Variants in WDR72 observed in about 807,000 individuals in gnomAD.
The protein encoded by WDR72 is WD repeat-containing protein 72.
WDR72 carries 120 observed loss-of-function variants against 124.2 expected under a neutral mutation model. The observed-to-expected ratio is 0.97, with a 90% CI of 0.83 to 1.12. The LOEUF (loss-of-function observed/expected upper bound fraction) is 1.12. WDR72 is among the 50% of genes most tolerant of loss of function. The probability of loss-of-function intolerance (pLI) is 0.00; values close to 1 mark genes in which losing one functional copy is unlikely to be tolerated. For synonymous variants in WDR72, 452 were observed against 441.7 expected (o/e 1.02, Z -0.29); for missense variants, 1,387 against 1,278.8 (o/e 1.08, Z -1.29).
intron 1 of WDR72, among the ~76,000 whole-genome samples, chr15:53,755,527 T>C (rs578259777): frequency 6.6e-6 from 1 of 152,370 alleles, no homozygotes; most frequent in South Asian, 2.1e-4. Context: ...AAGAAAACTA[T>C]GCAATGCATC....
intron 13 of WDR72, among the ~76,000 whole-genome samples, chr15:53,676,845 C>A (rs2016190366): frequency 6.6e-6 from 1 of 151,640 alleles, no homozygotes; most frequent in African/African-American, 2.4e-5. Context: ...GGACTTGTGG[C>A]AGTACTTTTA....
chr15:53,596,502 GC>G (rs1331393719), intron 18 of WDR72, among the ~76,000 whole-genome samples: 1 of 151,994 alleles, frequency 6.6e-6, no homozygotes, highest in Non-Finnish European at 1.5e-5. Flanking sequence ...TACTTCTGTT[GC>G]CCAGAAAAGG....
chr15:53,730,127 C>A (rs2018158900), intron 2 of WDR72, among the ~76,000 whole-genome samples: 1 of 151,970 alleles, frequency 6.6e-6, no homozygotes, highest in African/African-American at 2.4e-5. Flanking sequence ...ATGTATGTAT[C>A]CATAGATGAA....
intron 14 of WDR72, among the ~76,000 whole-genome samples, chr15:53,653,319 T>C (rs12903246): frequency 1.3e-5 from 2 of 152,118 alleles, no homozygotes; most frequent in Non-Finnish European, 2.9e-5. Context: ...ACTGTAACTG[T>C]CCCCTTTGAA....
chr15:53,638,718 G>A (rs2014721067), intron 14 of WDR72, among the ~76,000 whole-genome samples: 1 of 151,268 alleles, frequency 6.6e-6, no homozygotes, highest in South Asian at 2.1e-4. Flanking sequence ...ATTAAGCCAT[G>A]GTTAGCTGGG....
At chr15:53,612,778 G>C (rs1037000593) in intron 16 of WDR72, among the ~76,000 whole-genome samples, 3 of 152,042 alleles carry the variant, frequency 2.0e-5, no homozygotes, top group African/African-American at 7.2e-5. Flanking sequence ...ACTTAGTTCT[G>C]AATAAATCAT....
intron 14 of WDR72, among the ~76,000 whole-genome samples, chr15:53,637,253 G>T (rs2014659076): frequency 6.6e-6 from 1 of 152,126 alleles, no homozygotes; most frequent in South Asian, 2.1e-4. Context: ...AAATAAAAAT[G>T]TATTAACATT....
intron 2 of WDR72, among the ~76,000 whole-genome samples, chr15:53,731,406 A>T (rs2018199621): frequency 6.6e-6 from 1 of 151,882 alleles, no homozygotes; most frequent in Non-Finnish European, 1.5e-5. Flanking sequence ...ATTTCTCTGT[A>T]TCAGCACTCT....
intron 13 of WDR72, among the ~76,000 whole-genome samples, chr15:53,667,452 C>T (rs893417410): frequency 6.6e-6 from 1 of 151,998 alleles, no homozygotes; most frequent in Non-Finnish European, 1.5e-5. Flanking sequence ...ATTGATATAT[C>T]TTCTGAAGGA....
At chr15:53,722,201 A>T (rs2140576599) in intron 3 of WDR72, among the ~76,000 whole-genome samples, 1 of 151,422 alleles carries the variant, frequency 6.6e-6, no homozygotes, top group African/African-American at 2.4e-5. Flanking sequence ...GCCCAGGCCA[A>T]TTTTTCTATT....
chr15:53,666,598 G>A (rs998847983), intron 13 of WDR72, among the ~76,000 whole-genome samples: 8 of 151,966 alleles, frequency 5.3e-5, no homozygotes, highest in Non-Finnish European at 2.9e-5. Flanking sequence ...ATCTCCTACT[G>A]AATAAAGACA....
intron 18 of WDR72, among the ~76,000 whole-genome samples, chr15:53,559,620 A>G (rs2140291791): frequency 6.6e-6 from 1 of 152,096 alleles, no homozygotes; most frequent in East Asian, 1.9e-4. Context: ...GATCCTGACT[A>G]CCGTTCTTAC....
intron 14 of WDR72, among the ~76,000 whole-genome samples, chr15:53,629,985 C>T (rs1254291291): frequency 6.6e-6 from 1 of 152,118 alleles, no homozygotes; most frequent in African/African-American, 2.4e-5. Context: ...AAACAATACA[C>T]TCCTAAATAA....
chr15:53,709,028 A>G (rs970380052), intron 9 of WDR72, among the ~76,000 whole-genome samples: 2 of 152,230 alleles, frequency 1.3e-5, no homozygotes, highest in Non-Finnish European at 2.9e-5. Context: ...TGGAGATTTA[A>G]TTCTATGGTA....
At chr15:53,752,017 A>C (rs1425052170) in intron 1 of WDR72, among the ~76,000 whole-genome samples, 1 of 152,220 alleles carries the variant, frequency 6.6e-6, no homozygotes, top group Non-Finnish European at 1.5e-5. Flanking sequence ...AAATCTGTAC[A>C]TAAATCCTGC....
chr15:53,585,422 G>A (rs2012151460), intron 18 of WDR72, among the ~76,000 whole-genome samples: 1 of 151,962 alleles, frequency 6.6e-6, no homozygotes, highest in African/African-American at 2.4e-5. Flanking sequence ...TTGACACGTG[G>A]GAATTACAGA....
At chr15:53,737,449 G>T (rs2018389546) in intron 1 of WDR72, among the ~76,000 whole-genome samples, 1 of 152,084 alleles carries the variant, frequency 6.6e-6, no homozygotes, top group Admixed American at 6.6e-5. Flanking sequence ...TATTAACGTA[G>T]AAAGGTTGAA....
intron 8 of WDR72, 40 bp downstream of exon 8, chr15:53,711,296 C>A (rs1347124507): frequency 6.2e-7 from 1 of 1,613,882 alleles, no homozygotes; most frequent in South Asian, 1.1e-5. Flanking sequence ...AGTTCATTTT[C>A]TACCTGAATG....
chr15:53,689,000 T>C (rs1442916374), intron 13 of WDR72, among the ~76,000 whole-genome samples: 6 of 152,186 alleles, frequency 3.9e-5, no homozygotes, highest in South Asian at 2.1e-4. Flanking sequence ...GCTGGGAAAA[T>C]TGGCTAGCCA....
Sources: gnomAD v4.1 joint callset for allele counts (sites outside exome capture counted in the v4.1 genomes callset) on GRCh38, gnomAD v4.1.1 for gene constraint, MANE v1.5 for transcripts, NCBI Gene and HGNC (gene_info 2026-07-23, HGNC 2026-07-21) for gene names.